The following RNF150 variants were observed in gnomAD, a reference collection of about 807,000 sequenced individuals.
RNF150 encodes the protein ring finger protein 150.
RNF150 carries 24 observed loss-of-function variants against 39.3 expected under a neutral mutation model. That is an observed-to-expected ratio of 0.61 (90% CI 0.44 to 0.86). The LOEUF is 0.86. RNF150 is among the 40% of genes least tolerant of loss of function. The probability of loss-of-function intolerance (pLI) is 0.00; values close to 1 mark genes in which losing one functional copy is unlikely to be tolerated. For synonymous variants in RNF150, 255 were observed against 227.3 expected (o/e 1.12, Z -1.10); for missense variants, 502 against 587.8 (o/e 0.85, Z 1.51).
At chr4:140,877,080 A>G (rs1169647873) in intron 6 of RNF150, among the ~76,000 whole-genome samples, 1 of 152,148 alleles carries the variant, frequency 6.6e-6, no homozygotes, top group Non-Finnish European at 1.5e-5. Context: ...CATAGTTAGG[A>G]TTTCACTTTG....
intron 4 of RNF150, among the ~76,000 whole-genome samples, chr4:140,928,259 C>T (rs368243436): frequency 6.6e-6 from 1 of 152,026 alleles, no homozygotes; most frequent in South Asian, 2.1e-4. Flanking sequence ...GGGAGCTTGG[C>T]GAGGAGGTGC....
chr4:140,998,898 A>T (rs1021531473), intron 1 of RNF150, among the ~76,000 whole-genome samples: 2 of 150,782 alleles, frequency 1.3e-5, no homozygotes, highest in African/African-American at 4.9e-5. Flanking sequence ...GCTTCCAAAA[A>T]TAGTGAGCTT....
chr4:141,093,306 C>T (rs752431687), intron 1 of RNF150, among the ~76,000 whole-genome samples: 2 of 148,214 alleles, frequency 1.3e-5, no homozygotes, highest in Non-Finnish European at 3.0e-5. Context: ...GAGGTGCTTG[C>T]AGTGAGCTGA....
At chr4:141,207,815 C>T (rs1431964488) in intron 1 of RNF150, among the ~76,000 whole-genome samples, 6 of 152,130 alleles carry the variant, frequency 3.9e-5, no homozygotes, top group Admixed American at 2.0e-4. Flanking sequence ...ATTTTTACCA[C>T]TAAAGGTTAA....
chr4:141,035,734 C>T (rs1185928561), intron 1 of RNF150, among the ~76,000 whole-genome samples: 1 of 151,718 alleles, frequency 6.6e-6, no homozygotes, highest in Non-Finnish European at 1.5e-5. Context: ...AGCTTCACAG[C>T]CAAAAAAGAG....
chr4:140,914,933 G>A (rs1381566360), intron 5 of RNF150, among the ~76,000 whole-genome samples: 1 of 152,086 alleles, frequency 6.6e-6, no homozygotes, highest in African/African-American at 2.4e-5. Context: ...TAGATACAAG[G>A]ACACTTTGTT....
chr4:140,981,573 TA>T (rs997264172), intron 1 of RNF150, among the ~76,000 whole-genome samples: 1 of 152,102 alleles, frequency 6.6e-6, no homozygotes, highest in Non-Finnish European at 1.5e-5. Context: ...TACTTCACAA[TA>T]AAAAACATGA....
intron 1 of RNF150, among the ~76,000 whole-genome samples, chr4:141,210,398 C>G (rs1245458814): frequency 6.6e-6 from 1 of 151,912 alleles, no homozygotes; most frequent in Non-Finnish European, 1.5e-5. Flanking sequence ...GCTTAGTTTT[C>G]TTTTTGCAAT....
Position 141,083,410 on chromosome 4 carries a change from C to T in RNF150, c.484+48915G>A, listed in dbSNP as rs183485850. Reference sequence around the variant, plus strand: ...TCAAATTAAGCCCTTTTTTCTCTTGCCCTCCTCCTCTTCCTTTTCTACTCA... The same window carrying T: ...TCAAATTAAGCCCTTTTTTCTCTTGTCCTCCTCCTCTTCCTTTTCTACTCA... On this transcript the variant is annotated intron_variant, in intron 1 of 6. Coordinates refer to ENST00000515673, the MANE Select transcript of RNF150 (RefSeq NM_020724.2). Among the ~76,000 whole-genome samples the T allele has an allele frequency of 9.2e-5, 14 of 152,140 alleles. No individual in the cohort carries two copies. In the East Asian group the frequency reaches 2.3e-3, roughly 25 times the overall value.
At chr4:141,167,964 G>A (rs537821814) in intron 1 of RNF150, among the ~76,000 whole-genome samples, 2 of 152,270 alleles carry the variant, frequency 1.3e-5, no homozygotes, top group Admixed American at 6.5e-5. Flanking sequence ...AGACTAAAGA[G>A]CTTCTGCACA....
chr4:141,022,945 A>T lies in RNF150; in HGVS notation c.485-55072T>A, dbSNP rs1182058877. ...AATTTGCCACTCTGCAGTGAGCTAA[A>T]TTCTATTTTTTCAACTTATACCTCC... On this transcript the variant is annotated intron_variant, in intron 1 of 6. Transcript: ENST00000515673. Among the ~76,000 whole-genome samples the T allele has an allele frequency of 3.3e-5, 5 of 152,272 alleles. No individual in the cohort carries two copies. The East Asian group carries it at 5.8e-4, about 18-fold the overall frequency.
chr4:141,110,290 AC>A (rs1417974504), intron 1 of RNF150, among the ~76,000 whole-genome samples: 10 of 152,170 alleles, frequency 6.6e-5, no homozygotes, highest in Non-Finnish European at 1.2e-4. Context: ...AACAGATTCT[AC>A]TATCTTCCCA....
chr4:140,912,149 CTAT>C (rs1196497245), intron 5 of RNF150, among the ~76,000 whole-genome samples: 1 of 152,144 alleles, frequency 6.6e-6, no homozygotes, highest in Non-Finnish European at 1.5e-5. Context: ...GTGTTGGCGT[CTAT>C]TATTATTGGG....
At chr4:141,139,843 T>C (rs997720547) in intron 1 of RNF150, among the ~76,000 whole-genome samples, 4 of 152,184 alleles carry the variant, frequency 2.6e-5, no homozygotes, top group Non-Finnish European at 5.9e-5. Flanking sequence ...AGTCTGACTC[T>C]AGGGTATGAT....
At chr4:140,883,316 C>T (rs1249352151) in intron 6 of RNF150, among the ~76,000 whole-genome samples, 5 of 152,124 alleles carry the variant, frequency 3.3e-5, no homozygotes, top group Admixed American at 2.0e-4. Flanking sequence ...AGTATTTATG[C>T]ACCACCCTAT....
At chr4:141,201,010 A>G (rs1207661281) in intron 1 of RNF150, among the ~76,000 whole-genome samples, 1 of 152,094 alleles carries the variant, frequency 6.6e-6, no homozygotes, top group Non-Finnish European at 1.5e-5. Context: ...AGGGTAATTC[A>G]CTTGCCCACA....
At chr4:141,085,557 A>G (rs1173433577) in intron 1 of RNF150, among the ~76,000 whole-genome samples, 1 of 152,214 alleles carries the variant, frequency 6.6e-6, no homozygotes, top group African/African-American at 2.4e-5. Context: ...CAGCCATCAA[A>G]TCATCCCAAG....
At chr4:141,126,282 G>T (rs181852431) in intron 1 of RNF150, among the ~76,000 whole-genome samples, 6 of 152,258 alleles carry the variant, frequency 3.9e-5, no homozygotes, top group Non-Finnish European at 8.8e-5. Context: ...TACTCTCAAT[G>T]CTTGGGAAGG....
At chr4:140,932,044 AAGTG>A (rs1231291147) in intron 4 of RNF150, among the ~76,000 whole-genome samples, 1 of 152,168 alleles carries the variant, frequency 6.6e-6, no homozygotes, top group East Asian at 1.9e-4. Context: ...AACACCCTGC[AAGTG>A]AGATTAGGAC....
Sources: gnomAD v4.1 joint callset for allele counts (sites outside exome capture counted in the v4.1 genomes callset) on GRCh38, gnomAD v4.1.1 for gene constraint, MANE v1.5 for transcripts, NCBI Gene and HGNC (gene_info 2026-07-23, HGNC 2026-07-21) for gene names.